Variants in UNC5D observed in about 807,000 individuals in gnomAD.
UNC5D encodes the protein netrin receptor UNC5D.
In UNC5D, 39 loss-of-function variants were observed where a neutral mutation model predicts 105.4. The observed-to-expected ratio is 0.37, with a 90% confidence interval of 0.29 to 0.48. The LOEUF is 0.48. Ranked by LOEUF, UNC5D falls within the 20% of genes least tolerant of loss-of-function variation. The probability of loss-of-function intolerance (pLI) is 0.98; values close to 1 mark genes in which losing one functional copy is unlikely to be tolerated. For missense variants in UNC5D, 991 were observed against 1,202.4 expected (o/e 0.82, Z 2.60); for synonymous variants, 452 against 450.4 (o/e 1.00, Z -0.04).
At chr8:35,630,329 A>G (rs1219181286) in intron 4 of UNC5D, among the ~76,000 whole-genome samples, 2 of 152,206 alleles carry the variant, frequency 1.3e-5, no homozygotes, top group Non-Finnish European at 2.9e-5. Context: ...TTAGTGTATT[A>G]TCAGGGATTA....
chr8:35,420,483 G>A (rs941460231), intron 1 of UNC5D, among the ~76,000 whole-genome samples: 1 of 152,124 alleles, frequency 6.6e-6, no homozygotes, highest in African/African-American at 2.4e-5. Flanking sequence ...TGTGTGTCTT[G>A]AAGTAAGCTC....
chr8:35,393,125 CTTTTTTTTT>C (rs34886215), intron 1 of UNC5D, among the ~76,000 whole-genome samples: 1 of 75,068 alleles, frequency 1.3e-5, no homozygotes, highest in African/African-American at 4.8e-5. Flanking sequence ...CCTATTCCTA[CTTTTTTTTT>C]TTTTTTTTTT....
chr8:35,413,457 T>C (rs188587099), intron 1 of UNC5D, among the ~76,000 whole-genome samples: 31 of 151,444 alleles, frequency 2.0e-4, no homozygotes, highest in Admixed American at 1.3e-4. Context: ...GAAGCCACCA[T>C]GGGCTTTTTT....
intron 1 of UNC5D, among the ~76,000 whole-genome samples, chr8:35,529,877 A>G (rs1814205575): frequency 6.7e-6 from 1 of 149,356 alleles, no homozygotes; most frequent in Non-Finnish European, 1.5e-5. Context: ...AATGCTTGTG[A>G]TTTTTGTACA....
chr8:35,362,460 T>G (rs1279751313), intron 1 of UNC5D, among the ~76,000 whole-genome samples: 2 of 152,164 alleles, frequency 1.3e-5, no homozygotes, highest in African/African-American at 4.8e-5. Context: ...ATATTTAGCT[T>G]TCTGTGAGGG....
chr8:35,570,631 G>A (rs1020441863), intron 3 of UNC5D, among the ~76,000 whole-genome samples: 36 of 151,942 alleles, frequency 2.4e-4, no homozygotes, highest in African/African-American at 8.5e-4. Context: ...AACTCTCCCA[G>A]GCATGAGAGA....
chr8:35,746,386 T>G (rs1759540537), intron 11 of UNC5D, among the ~76,000 whole-genome samples: 1 of 152,050 alleles, frequency 6.6e-6, no homozygotes, highest in Non-Finnish European at 1.5e-5. Context: ...AATGGAGAGA[T>G]TTTTGTGAAG....
At chr8:35,773,270 T>C (rs1452206930) in intron 15 of UNC5D, among the ~76,000 whole-genome samples, 2 of 152,180 alleles carry the variant, frequency 1.3e-5, no homozygotes, top group Non-Finnish European at 2.9e-5. Flanking sequence ...AATATTGAAA[T>C]GACAAATTCT....
intron 3 of UNC5D, among the ~76,000 whole-genome samples, chr8:35,575,953 C>A (rs1818059591): frequency 6.6e-6 from 1 of 152,116 alleles, no homozygotes; most frequent in African/African-American, 2.4e-5. Flanking sequence ...AAGATGCACA[C>A]TCTAGAATGT....
intron 11 of UNC5D, among the ~76,000 whole-genome samples, chr8:35,734,813 C>T (rs967241468): frequency 7.3e-6 from 1 of 136,730 alleles, no homozygotes; most frequent in Non-Finnish European, 1.5e-5. Flanking sequence ...GACGGAGTCT[C>T]GCTCTGTTGC....
At chr8:35,544,433 G>T (rs1026599054) in intron 1 of UNC5D, 2 of 1,612,990 alleles carry the variant, frequency 1.2e-6, no homozygotes. Context: ...GCTGTAATAT[G>T]TTATCTGGGG....
intron 1 of UNC5D, among the ~76,000 whole-genome samples, chr8:35,296,921 A>G (rs1307448358): frequency 6.6e-6 from 1 of 152,208 alleles, no homozygotes; most frequent in Non-Finnish European, 1.5e-5. Context: ...TGCCATGCCA[A>G]TTTGCAATAT....
intron 1 of UNC5D, among the ~76,000 whole-genome samples, chr8:35,354,484 A>G (rs1478578786): frequency 1.3e-5 from 2 of 152,150 alleles, no homozygotes; most frequent in Non-Finnish European, 2.9e-5. Flanking sequence ...TTTTCAAGGT[A>G]ACTGAGCTTT....
intron 1 of UNC5D, among the ~76,000 whole-genome samples, chr8:35,387,050 T>C (rs1038950821): frequency 6.6e-6 from 1 of 151,956 alleles, no homozygotes; most frequent in Admixed American, 6.6e-5. Flanking sequence ...CAGCATCACC[T>C]AGGTGCTTGT....
At chr8:35,454,250 C>T (rs961698843) in intron 1 of UNC5D, among the ~76,000 whole-genome samples, 1 of 152,068 alleles carries the variant, frequency 6.6e-6, no homozygotes, top group Admixed American at 6.6e-5. Context: ...TCTTAGAAAG[C>T]ATGACACACA....
chr8:35,664,683 G>A (rs1383214081), intron 4 of UNC5D, among the ~76,000 whole-genome samples: 1 of 151,900 alleles, frequency 6.6e-6, no homozygotes, highest in Non-Finnish European at 1.5e-5. Context: ...CTGGCCTAAT[G>A]ATTGGTTCTT....
intron 4 of UNC5D, among the ~76,000 whole-genome samples, chr8:35,599,337 C>A (rs1819694160): frequency 1.3e-5 from 2 of 151,778 alleles, no homozygotes; most frequent in Admixed American, 1.3e-4. Context: ...GTATTGTATT[C>A]TTTAAAAATG....
chr8:35,243,157 T>C (rs1251612496), intron 1 of UNC5D, among the ~76,000 whole-genome samples: 1 of 152,134 alleles, frequency 6.6e-6, no homozygotes, highest in Non-Finnish European at 1.5e-5. Context: ...CCATGGATGA[T>C]AGTAATTCTT....
chr8:35,680,343 A>G (rs771677370), intron 4 of UNC5D, among the ~76,000 whole-genome samples: 18 of 152,302 alleles, frequency 1.2e-4, no homozygotes, highest in Middle Eastern at 3.4e-3. Flanking sequence ...CTAACTTCTA[A>G]CTTATTAATT....
Sources: allele counts gnomAD v4.1 joint callset (sites outside exome capture counted in the v4.1 genomes callset), GRCh38; gene constraint gnomAD v4.1.1; transcripts MANE v1.5; gene names NCBI Gene and HGNC (gene_info 2026-07-23, HGNC 2026-07-21).